The following CACNB4 variants were observed in gnomAD, a reference collection of about 807,000 sequenced individuals.
CACNB4 encodes calcium voltage-gated channel auxiliary subunit beta 4.
In CACNB4, 32 loss-of-function variants were observed where a neutral mutation model predicts 71.2. The observed-to-expected ratio is 0.45, with a 90% CI of 0.34 to 0.60. The LOEUF is 0.60. Among genes scored for constraint, CACNB4 ranks in the 20% least tolerant of loss-of-function variants. CACNB4 has a pLI of 0.01. For synonymous variants in CACNB4, 231 were observed against 236.9 expected, an observed-to-expected ratio of 0.97 and a Z score of 0.23; for missense variants, 464 against 647.9, an observed-to-expected ratio of 0.72 and a Z score of 3.08.
At chr2:151,944,992 T>C (rs1324997315) in intron 2 of CACNB4, among the ~76,000 whole-genome samples, 1 of 152,172 alleles carries the variant, frequency 6.6e-6, no homozygotes, top group African/African-American at 2.4e-5. Context: ...ACATAAAATG[T>C]CAGGATTTCC....
intron 2 of CACNB4, among the ~76,000 whole-genome samples, chr2:152,061,612 C>A (rs1325775663): frequency 6.7e-6 from 1 of 150,186 alleles, no homozygotes; most frequent in African/African-American, 2.5e-5. Context: ...AAATCCAAAT[C>A]TAGCCACTGT....
chr2:152,077,691 A>G (rs1177276315), intron 2 of CACNB4, among the ~76,000 whole-genome samples: 2 of 152,178 alleles, frequency 1.3e-5, no homozygotes, highest in Non-Finnish European at 2.9e-5. Flanking sequence ...AGATTGTGCC[A>G]TTGCATTCTA....
At chr2:152,078,603 A>G (rs1687169652) in intron 2 of CACNB4, among the ~76,000 whole-genome samples, 1 of 152,174 alleles carries the variant, frequency 6.6e-6, no homozygotes, top group Non-Finnish European at 1.5e-5. Flanking sequence ...ATGGATTATG[A>G]GCTGAAGAAA....
rs575801006 is a variant in CACNB4 at position 152,044,497 on chromosome 2, C to T, written c.147+53833G>A. Among the ~76,000 whole-genome samples, 38 of 152,262 alleles carry T rather than the reference C, an allele frequency of 2.5e-4. 1 individual carries two copies. Among genetic ancestry groups the T allele is most frequent in the Middle Eastern group, 3.4e-3 (1 of 294 alleles). ...CCTCCCAAAGTGCTGGGATTACAGG[C>T]GTGAGCCACCGCACCCGGCCTTAAA... On this transcript the variant is annotated intron_variant, in intron 2 of 13. Transcript: ENST00000539935.
chr2:152,047,082 A>G (rs1685175495), intron 2 of CACNB4, among the ~76,000 whole-genome samples: 1 of 152,224 alleles, frequency 6.6e-6, no homozygotes, highest in Non-Finnish European at 1.5e-5. Flanking sequence ...GCAGCCAGCA[A>G]CTAAGGAAAT....
intron 9 of CACNB4, chr2:151,866,742 C>T (rs919044222): frequency 2.0e-5 from 3 of 152,168 alleles, no homozygotes; most frequent in Non-Finnish European, 4.4e-5. Context: ...CCTTTAATAT[C>T]TACCTATCTT....
At chr2:152,052,224 A>G (rs1420138901) in intron 2 of CACNB4, among the ~76,000 whole-genome samples, 1 of 152,272 alleles carries the variant, frequency 6.6e-6, no homozygotes, top group African/African-American at 2.4e-5. Context: ...CACGAAGCCT[A>G]TTTTATAATA....
At chr2:152,021,858 T>C (rs746900023) in intron 2 of CACNB4, among the ~76,000 whole-genome samples, 1 of 152,230 alleles carries the variant, frequency 6.6e-6, no homozygotes, top group Non-Finnish European at 1.5e-5. Flanking sequence ...GGATACAGCT[T>C]ATTCTTTTAT....
intron 2 of CACNB4, among the ~76,000 whole-genome samples, chr2:152,019,369 G>A (rs1683528717): frequency 6.6e-6 from 1 of 152,146 alleles, no homozygotes. Flanking sequence ...AATTCAAAAA[G>A]TTAGATGTAT....
At chr2:151,853,325 T>C in intron 12 of CACNB4, 123 bp downstream of exon 12, 1 of 599,116 alleles carries the variant, frequency 1.7e-6, no homozygotes, top group South Asian at 2.3e-5. Context: ...CCAAGAAATC[T>C]TTTAGATGAC....
At chr2:152,041,133 T>C (rs1300913540) in intron 2 of CACNB4, among the ~76,000 whole-genome samples, 1 of 152,126 alleles carries the variant, frequency 6.6e-6, no homozygotes, top group Non-Finnish European at 1.5e-5. Flanking sequence ...CTCCTGTTTC[T>C]CCCCACAAAC....
chr2:152,056,839 C>T (rs982378630), intron 2 of CACNB4, among the ~76,000 whole-genome samples: 1 of 152,212 alleles, frequency 6.6e-6, no homozygotes. Context: ...CTCCAACTTT[C>T]TGCCCTCATT....
At chr2:152,015,525 G>A (rs927665244) in intron 2 of CACNB4, among the ~76,000 whole-genome samples, 1 of 152,198 alleles carries the variant, frequency 6.6e-6, no homozygotes, top group Admixed American at 6.5e-5. Flanking sequence ...ACACTGCCTT[G>A]CAGAGGGATT....
intron 9 of CACNB4, among the ~76,000 whole-genome samples, chr2:151,863,796 T>C (rs1578514660): frequency 6.6e-6 from 1 of 152,318 alleles, no homozygotes; most frequent in East Asian, 1.9e-4. Context: ...AAGGGCACGT[T>C]TTCTCATTTT....
At chr2:151,851,662 G>T (rs1216990248) in intron 12 of CACNB4, 2 of 152,088 alleles carry the variant, frequency 1.3e-5, no homozygotes, top group Non-Finnish European at 1.5e-5. Flanking sequence ...TAGGACACAA[G>T]AATTTTCTCT....
At chr2:151,842,774 G>C (rs1282686217) in intron 12 of CACNB4, among the ~76,000 whole-genome samples, 2 of 152,214 alleles carry the variant, frequency 1.3e-5, no homozygotes, top group Admixed American at 6.5e-5. Flanking sequence ...GAATATGAGA[G>C]AAGCAAGTTT....
intron 2 of CACNB4, among the ~76,000 whole-genome samples, chr2:152,024,213 C>T (rs1683839973): frequency 6.6e-6 from 1 of 152,184 alleles, no homozygotes. Context: ...GTCCTAGCTA[C>T]TCAGGAGGCT....
intron 2 of CACNB4, among the ~76,000 whole-genome samples, chr2:152,091,472 TAA>T (rs1687969512): frequency 6.6e-6 from 1 of 151,764 alleles, no homozygotes; most frequent in Non-Finnish European, 1.5e-5. Context: ...TGGTCTCTAC[TAA>T]AAATACAAAA....
intron 2 of CACNB4, among the ~76,000 whole-genome samples, chr2:151,916,701 C>T (rs1047083018): frequency 6.6e-6 from 1 of 152,216 alleles, no homozygotes; most frequent in Non-Finnish European, 1.5e-5. Context: ...CAAGAGGAAA[C>T]ATCAGACTAC....
Sources: allele counts gnomAD v4.1 joint callset (sites outside exome capture counted in the v4.1 genomes callset), GRCh38; gene constraint gnomAD v4.1.1; transcripts MANE v1.5; gene names NCBI Gene and HGNC (gene_info 2026-07-23, HGNC 2026-07-21).